NDEL1: variants seen among roughly 807,000 people sequenced by gnomAD.
The protein encoded by NDEL1 is nuclear distribution protein nudE-like 1.
A neutral mutation model predicts 45.7 loss-of-function variants in NDEL1; 9 were observed. The observed-to-expected ratio is 0.20, with a 90% CI of 0.12 to 0.34. NDEL1 has a LOEUF of 0.34. NDEL1 is among the 10% of genes least tolerant of loss of function. The pLI is 1.00. For missense variants in NDEL1, 306 were observed against 406.2 expected (o/e 0.75, Z 2.12); for synonymous variants, 133 against 158.6 (o/e 0.84, Z 1.21).
downstream of NDEL1, among the ~76,000 whole-genome samples, chr17:8,468,731 A>C (rs1911755189): frequency 6.6e-6 from 1 of 152,242 alleles, no homozygotes; most frequent in Non-Finnish European, 1.5e-5. Context: ...TAAGTAACTG[A>C]AAACGATGTG....
At chr17:8,468,715 A>G (rs897855902), downstream of NDEL1, among the ~76,000 whole-genome samples, 1 of 152,272 alleles carries the variant, frequency 6.6e-6, no homozygotes, top group Non-Finnish European at 1.5e-5. Context: ...TATAGTTTTA[A>G]AACTGTAAGT....
At chr17:8,428,317 G>T (rs1434251484) in intron 1 of NDEL1, among the ~76,000 whole-genome samples, 1 of 144,126 alleles carries the variant, frequency 6.9e-6, no homozygotes, top group African/African-American at 2.6e-5. Context: ...AGGCTCAAGT[G>T]TGTGTGGTGT....
intron 1 of NDEL1, among the ~76,000 whole-genome samples, chr17:8,443,547 G>A (rs1442794551): frequency 3.3e-5 from 5 of 152,122 alleles, no homozygotes; most frequent in Admixed American, 1.3e-4. Context: ...GAAGCAGTAG[G>A]CATGCCTCTA....
rs1164164896 is a variant in NDEL1, at chr17:8,444,338, T to C, written c.67T>C (p.Ser23Pro). 6.2e-7 allele frequency: 1 copy of C among 1,612,394 alleles called. No homozygotes were observed. The highest frequency in any genetic ancestry group is 8.5e-7 in the Non-Finnish European group (1 of 1,178,746). Residue 23 changes from serine to proline, a missense_variant, in exon 2 of 9, where the codon TCC becomes CCC. This residue lies in a region of NDEL1 where 112 missense variants were observed against 148.3 expected (regional missense o/e 0.76). Coordinates refer to ENST00000334527, the MANE Select transcript of NDEL1 (RefSeq NM_030808.5). ...KEETAYWKEL[S>P]LKYKQSFQEA... The stretch of plus-strand genomic sequence containing the variant: ...GGAAACTGCTTATTGGAAGGAACTT[T>C]CCTTGAAGTATAAGCAAAGGTAATG...
At chr17:8,427,142 CAG>C (rs1908856122) in intron 1 of NDEL1, among the ~76,000 whole-genome samples, 1 of 152,266 alleles carries the variant, frequency 6.6e-6, no homozygotes, top group African/African-American at 2.4e-5. Flanking sequence ...TGTTGACTTA[CAG>C]CCAACTGGAG....
At chr17:8,470,684 C>T (rs1331338490), downstream of NDEL1, among the ~76,000 whole-genome samples, 4 of 152,204 alleles carry the variant, frequency 2.6e-5, no homozygotes, top group African/African-American at 7.2e-5. This position sits in a 1 kb window ranked among gnomAD's most constrained non-coding sequence, Gnocchi z 4.2. Flanking sequence ...GGCTTGGGCA[C>T]GAGCCCAGTC....
At chr17:8,446,606 A>G (rs1910092840) in intron 3 of NDEL1, 148 bp from the exon 4 acceptor site, 1 of 677,218 alleles carries the variant, frequency 1.5e-6, no homozygotes, top group African/African-American at 1.8e-5. Context: ...CTTAGAATGA[A>G]TGTGTCATTT....
chr17:8,439,519 G>T (rs1317531559), intron 1 of NDEL1, among the ~76,000 whole-genome samples: 1 of 151,828 alleles, frequency 6.6e-6, no homozygotes, highest in African/African-American at 2.4e-5. Flanking sequence ...CTCCCAAAGT[G>T]CTAGGATTAT....
chr17:8,425,645 T>C (rs1597513469), intron 1 of NDEL1, among the ~76,000 whole-genome samples: 1 of 151,998 alleles, frequency 6.6e-6, no homozygotes, highest in Non-Finnish European at 1.5e-5. Context: ...GCCCATAACA[T>C]GCCAGGCATT....
chr17:8,438,819 A>G, intron 1 of NDEL1, among the ~76,000 whole-genome samples: 1 of 151,252 alleles, frequency 6.6e-6, no homozygotes, highest in East Asian at 2.0e-4. Flanking sequence ...CCTGGCCAGA[A>G]TCTGATTTTT....
chr17:8,439,743 G>T (rs1391329680), intron 1 of NDEL1, among the ~76,000 whole-genome samples: 1 of 152,132 alleles, frequency 6.6e-6, no homozygotes, highest in Non-Finnish European at 1.5e-5. Flanking sequence ...TACTTGAAAG[G>T]TCTGCTATCG....
At position 8,414,442 on chromosome 17, in the gene NDEL1, C is replaced by T. The variant is rs149698246; in HGVS notation, c.-13+1173C>T. Among the ~76,000 whole-genome samples the T allele has an allele frequency of 6.9e-3, 1,049 of 152,160 alleles. 9 individuals carry two copies. The highest frequency in any genetic ancestry group is 0.024 in the African/African-American group (992 of 41,494). The stretch of plus-strand genomic sequence containing the variant: ...CAGCACTTTGGGAGGCCAAGGCTGG[C>T]GGATCATGAGGTCAGGATATCGAGA... On this transcript the variant is annotated intron_variant, in intron 1 of 4. Coordinates refer to the NDEL1 transcript ENST00000582812.
chr17:8,458,759 C>T lies in NDEL1; in HGVS notation c.793-1250C>T, dbSNP rs550709019. Among the ~76,000 whole-genome samples, 6 of 152,252 alleles carry T rather than the reference C, an allele frequency of 3.9e-5. No homozygotes were observed. In the East Asian group the frequency reaches 7.7e-4, roughly 20 times the overall value. ...TTCTTTTTTTTGAGACAGAGTCTCACTCTGTCGCCCAGGCTGTAGTGCAGT... is the reference window on the plus strand; with the variant it reads ...TTCTTTTTTTTGAGACAGAGTCTCATTCTGTCGCCCAGGCTGTAGTGCAGT... On this transcript the variant is annotated intron_variant, in intron 7 of 8. Transcript: ENST00000334527.
chr17:8,445,601 T>C, intron 2 of NDEL1, 110 bp from the exon 3 acceptor site: 1 of 1,107,586 alleles, frequency 9.0e-7, no homozygotes, highest in African/African-American at 1.7e-5. Flanking sequence ...GTATATTTTA[T>C]GAGAGCATTA....
chr17:8,432,902 T>C (rs1274246407), upstream of NDEL1, among the ~76,000 whole-genome samples: 1 of 152,136 alleles, frequency 6.6e-6, no homozygotes, highest in Non-Finnish European at 1.5e-5. Flanking sequence ...CAAAACACTC[T>C]CGTAATAAGT....
intron 1 of NDEL1, among the ~76,000 whole-genome samples, chr17:8,438,357 C>G (rs1328582195): frequency 6.6e-6 from 1 of 152,186 alleles, no homozygotes. Flanking sequence ...AGCTAACTTT[C>G]TATAGCCTGA....
chr17:8,458,386 T>C (rs1383400998), intron 7 of NDEL1, among the ~76,000 whole-genome samples: 2 of 152,128 alleles, frequency 1.3e-5, no homozygotes, highest in African/African-American at 4.8e-5. Flanking sequence ...CAAATCTTAA[T>C]CTCTAGACCA....
At chr17:8,459,588 A>G (rs1022990787) in intron 7 of NDEL1, among the ~76,000 whole-genome samples, 6 of 152,180 alleles carry the variant, frequency 3.9e-5, no homozygotes, top group Admixed American at 1.3e-4. Flanking sequence ...TGGCTGCCGT[A>G]AAAAAAATTC....
chr17:8,430,850 G>C (rs1042733872), intron 1 of NDEL1, among the ~76,000 whole-genome samples: 1 of 152,186 alleles, frequency 6.6e-6, no homozygotes, highest in Admixed American at 6.5e-5. Flanking sequence ...GGAAGCAGGG[G>C]CTGGGGCAAA....
Sources: gnomAD v4.1 joint callset for allele counts (sites outside exome capture counted in the v4.1 genomes callset) on GRCh38, gnomAD v4.1.1 for gene constraint, gnomAD v4.1.1 regional missense constraint, Gnocchi (gnomAD v3.1) non-coding constraint, MANE v1.5 for transcripts, NCBI Gene and HGNC (gene_info 2026-07-23, HGNC 2026-07-21) for gene names.